The following DGKD variants were observed in gnomAD, a reference collection of about 807,000 sequenced individuals.
DGKD encodes diacylglycerol kinase delta, also known as DAG kinase delta.
Under a neutral mutation model 154.4 loss-of-function variants are expected in DGKD, and 68 were observed. That is an observed-to-expected ratio of 0.44 (90% confidence interval 0.36 to 0.54). DGKD has a LOEUF of 0.54. DGKD is among the 20% of genes least tolerant of loss of function. DGKD has a pLI of 0.00. For synonymous variants in DGKD, 693 were observed against 638.0 expected (o/e 1.09, Z -1.30); for missense variants, 1,343 against 1,593.6 (o/e 0.84, Z 2.68).
At chr2:233,461,103 G>A (rs1403433672) in intron 24 of DGKD, among the ~76,000 whole-genome samples, 7 of 151,666 alleles carry the variant, frequency 4.6e-5, no homozygotes, top group Admixed American at 1.3e-4. Flanking sequence ...TGTGTCCCTC[G>A]TGGCTGGTGG....
At chr2:233,425,229 C>T (rs2062254303) in intron 3 of DGKD, among the ~76,000 whole-genome samples, 1 of 152,028 alleles carries the variant, frequency 6.6e-6, no homozygotes, top group Admixed American at 6.6e-5. Flanking sequence ...CCCTGTCGCC[C>T]AGGCTGGAGT....
intron 3 of DGKD, among the ~76,000 whole-genome samples, chr2:233,426,160 A>G (rs1300639211): frequency 2.0e-5 from 3 of 152,262 alleles, no homozygotes; most frequent in Non-Finnish European, 4.4e-5. Flanking sequence ...CTGTTTTAAC[A>G]TAGTGCTGCC....
Position 233,390,410 on chromosome 2 carries a change from T to C in DGKD, c.275T>C (p.Ile92Thr), listed in dbSNP as rs751264329. ...GTGTTTGTCTCTTTCTAGTCAATCA[T>C]ATTTGATGAGGTGGATCTGACAGAT... ...LYYAKTAKSI[I>T]FDEVDLTDAS... is the part of the protein sequence containing the mutation. Residue 92 changes from isoleucine to threonine, a missense_variant, in exon 3 of 30, where the codon ATA becomes ACA. Ile to Thr is a moderately conservative substitution (Grantham distance 89). Coordinates refer to ENST00000264057, the MANE Select transcript of DGKD (RefSeq NM_152879.3). 1 of 1,614,008 alleles carries C rather than the reference T, an allele frequency of 6.2e-7. No homozygotes were observed. Among genetic ancestry groups the C allele is most frequent in the Non-Finnish European group, 8.5e-7 (1 of 1,179,910 alleles).
intron 3 of DGKD, among the ~76,000 whole-genome samples, chr2:233,413,631 T>C (rs1445808890): frequency 1.3e-5 from 2 of 152,222 alleles, no homozygotes; most frequent in Non-Finnish European, 2.9e-5. Context: ...TTGTTGTTGC[T>C]GTATCTCTAT....
At chr2:233,451,850 T>C (rs1355437951) in intron 17 of DGKD, 114 bp from the exon 18 acceptor site, 11 of 871,818 alleles carry the variant, frequency 1.3e-5, no homozygotes, top group Non-Finnish European at 1.8e-5. Flanking sequence ...TTTAGAAACA[T>C]TTAATTATAA....
rs1417441417 is a variant in DGKD, at chr2:233,460,273, C to T, written c.2909C>T (p.Pro970Leu). ...LPRPPSCSLH[P>L]EMLSEEEATQ... Reference sequence around the variant, plus strand: ...CGCCCTCCATCCTGTTCCCTGCACCCGGAGATGCTGTCCGAGGAGGAGGCC... The same window carrying T: ...CGCCCTCCATCCTGTTCCCTGCACCTGGAGATGCTGTCCGAGGAGGAGGCC... Residue 970 changes from proline (P) to leucine (L), a missense_variant, in exon 24 of 30, where the codon CCG (proline) becomes CTG (leucine). Transcript: ENST00000264057. 1.9e-6 allele frequency: 3 copies of T among 1,613,838 alleles called. No homozygotes were observed. The highest frequency in any genetic ancestry group is 1.3e-5 in the African/African-American group (1 of 74,864).
intron 3 of DGKD, among the ~76,000 whole-genome samples, chr2:233,398,438 C>T (rs376952172): frequency 6.6e-6 from 1 of 152,228 alleles, no homozygotes; most frequent in East Asian, 1.9e-4. Flanking sequence ...AGCCACCGCG[C>T]CCGGCCAATA....
chr2:233,359,726 A>G (rs193029444), intron 1 of DGKD, among the ~76,000 whole-genome samples: 2 of 152,290 alleles, frequency 1.3e-5, no homozygotes, highest in Admixed American at 6.5e-5. Flanking sequence ...TTAACAGCAA[A>G]TATTTGAGAT....
At chr2:233,360,558 A>G (rs1456174968) in intron 1 of DGKD, among the ~76,000 whole-genome samples, 1 of 152,110 alleles carries the variant, frequency 6.6e-6, no homozygotes, top group East Asian at 1.9e-4. Flanking sequence ...GTGCCTGGCC[A>G]AAATTTTTTA....
In DGKD at chr2:233,435,823, A is replaced by G; in HGVS notation, c.592A>G (p.Lys198Glu). 1 of 1,610,524 alleles carries G rather than the reference A, an allele frequency of 6.2e-7. No homozygotes were observed. The highest frequency in any genetic ancestry group is 8.5e-7 in the Non-Finnish European group (1 of 1,178,320). Residue 198 changes from lysine (K) to glutamate (E), a missense_variant, in exon 6 of 30, where the codon AAA becomes GAA. Lys to Glu is a moderately conservative substitution (Grantham distance 56). Transcript: ENST00000264057. ...ATGTGCCCCTTCTCTCACAGTGTGCAAATTTAAGGCCCACAAGCGCTGTGC... is the reference window on the plus strand; with the variant it reads ...ATGTGCCCCTTCTCTCACAGTGTGCGAATTTAAGGCCCACAAGCGCTGTGC... ...TSHGLSCEVC[K>E]FKAHKRCAVR...
chr2:233,421,608 G>T (rs752976542), intron 3 of DGKD, among the ~76,000 whole-genome samples: 1 of 151,854 alleles, frequency 6.6e-6, no homozygotes, highest in South Asian at 2.1e-4. Context: ...CGCACCACGC[G>T]CCTGCTTCTG....
intron 3 of DGKD, among the ~76,000 whole-genome samples, chr2:233,415,409 C>T (rs558313163): frequency 2.6e-5 from 4 of 152,324 alleles, no homozygotes; most frequent in Non-Finnish European, 4.4e-5. Context: ...CCACTCTCCC[C>T]GGTGATGTCA....
chr2:233,383,947 G>T (rs1703028638), intron 1 of DGKD, among the ~76,000 whole-genome samples: 1 of 152,196 alleles, frequency 6.6e-6, no homozygotes, highest in Non-Finnish European at 1.5e-5. Context: ...ATGGAGGGGA[G>T]GGTGTGTAGG....
At chr2:233,450,795 C>A in intron 16 of DGKD, 127 bp from the exon 17 acceptor site, 1 of 1,223,576 alleles carries the variant, frequency 8.2e-7, no homozygotes. Flanking sequence ...ACACACTTCA[C>A]GCAACTGCCT....
chr2:233,369,230 G>A (rs1293621901), intron 1 of DGKD, among the ~76,000 whole-genome samples: 1 of 152,144 alleles, frequency 6.6e-6, no homozygotes, highest in Non-Finnish European at 1.5e-5. Context: ...CCTGTCCACT[G>A]TATCCATCAG....
At chr2:233,465,394 T>G (rs2063793640) in intron 27 of DGKD, among the ~76,000 whole-genome samples, 1 of 152,194 alleles carries the variant, frequency 6.6e-6, no homozygotes, top group South Asian at 2.1e-4. Context: ...ATTCCTCCTC[T>G]TACAGTGGAA....
Position 233,435,813 on chromosome 2 carries a change from C to T in DGKD, c.587-5C>T. 2 of 1,610,560 alleles carry T rather than the reference C, an allele frequency of 1.2e-6. No individual in the cohort carries two copies. Among genetic ancestry groups the T allele is most frequent in the Non-Finnish European group, 8.5e-7 (1 of 1,178,318 alleles). On this transcript the variant is annotated splice_region_variant and splice_polypyrimidine_tract_variant and intron_variant, in intron 5 of 29. Transcript: ENST00000264057. ...TTGTAGGCTCATGTGCCCCTTCTCT[C>T]ACAGTGTGCAAATTTAAGGCCCACA...
chr2:233,412,412 ATC>A (rs981810431), intron 3 of DGKD, among the ~76,000 whole-genome samples: 18 of 152,166 alleles, frequency 1.2e-4, no homozygotes, highest in African/African-American at 3.9e-4. Flanking sequence ...AACATTTTAT[ATC>A]TGTTTGCTGC....
chr2:233,417,072 A>T (rs534613800), intron 3 of DGKD, among the ~76,000 whole-genome samples: 2 of 152,248 alleles, frequency 1.3e-5, no homozygotes, highest in East Asian at 3.9e-4. Context: ...TTGCTCTGTC[A>T]TCCAGGCTGG....
Sources: gnomAD v4.1 joint callset for allele counts (sites outside exome capture counted in the v4.1 genomes callset) on GRCh38, gnomAD v4.1.1 for gene constraint, MANE v1.5 for transcripts, NCBI Gene and HGNC (gene_info 2026-07-23, HGNC 2026-07-21) for gene names.